DNAH11: variants seen among roughly 807,000 people sequenced by gnomAD.
DNAH11 encodes dynein axonemal heavy chain 11, also known as axonemal beta dynein heavy chain 11.
A neutral mutation model predicts 526.0 loss-of-function variants in DNAH11; 442 were observed. The observed-to-expected ratio is 0.84, with a 90% CI of 0.78 to 0.91. DNAH11 has a LOEUF of 0.91. Ranked by LOEUF, DNAH11 falls within the 40% of genes least tolerant of loss-of-function variation. DNAH11 has a pLI of 0.00. For synonymous variants in DNAH11, 2,461 were observed against 1,935.9 expected (o/e 1.27, Z -7.12); for missense variants, 6,989 against 5,448.7 (o/e 1.28, Z -8.90).
chr7:21,634,995 G>A (rs1364738406), intron 25 of DNAH11, among the ~76,000 whole-genome samples: 1 of 152,014 alleles, frequency 6.6e-6, no homozygotes, highest in Non-Finnish European at 1.5e-5. Context: ...ATTAATTATA[G>A]CATTCTTTTC....
rs764231441 is a variant in DNAH11 at position 21,900,063 on chromosome 7, G to A, written c.13246G>A (p.Glu4416Lys). Residue 4416 changes from glutamate (E) to lysine (K), a missense_variant, in exon 81 of 82, where the codon GAA becomes AAA. Glu to Lys is a moderately conservative substitution (Grantham distance 56, BLOSUM62 1). Coordinates refer to ENST00000409508, the MANE Select transcript of DNAH11 (RefSeq NM_001277115.2). ...TGCTGATGTTACCAAAAAAACAAAGGAAGATTATGGACACCCGCCAAGGGA... is the reference window on the plus strand; with the variant it reads ...TGCTGATGTTACCAAAAAAACAAAGAAAGATTATGGACACCCGCCAAGGGA... ...LTADVTKKTKEDYGHPPREGA... is the reference protein window; with the variant it reads ...LTADVTKKTKKDYGHPPREGA... 1.9e-6 allele frequency: 3 copies of A among 1,613,788 alleles called. No homozygotes were observed. The highest frequency in any genetic ancestry group is 1.7e-5 in the Admixed American group (1 of 60,004).
rs977512902 is a variant in DNAH11, at chr7:21,873,326, G to A, written c.12020G>A (p.Arg4007Lys). The A allele has an allele frequency of 1.4e-5, 23 of 1,610,572 alleles. No individual in the cohort carries two copies. Among genetic ancestry groups the A allele is most frequent in the Non-Finnish European group, 1.9e-5 (22 of 1,178,342 alleles). ...GGAACCTTGGAGAAGCTCCTTGAAAGATTCAGCCAAGGAAGCCACAGAGAT... is the reference window on the plus strand; with the variant it reads ...GGAACCTTGGAGAAGCTCCTTGAAAAATTCAGCCAAGGAAGCCACAGAGAT... Reference protein sequence around the residue: ...WLGTLEKLLERFSQGSHRDYR... With the variant: ...WLGTLEKLLEKFSQGSHRDYR... Residue 4007 changes from arginine (R) to lysine (K), a missense_variant, in exon 74 of 82, where the codon AGA (arginine) becomes AAA (lysine). Transcript: ENST00000409508.
intron 54 of DNAH11, among the ~76,000 whole-genome samples, chr7:21,758,397 T>G (rs1256349362): frequency 6.6e-6 from 1 of 152,160 alleles, no homozygotes; most frequent in Non-Finnish European, 1.5e-5. Flanking sequence ...CCAGAAAAGT[T>G]TTTTTCAAAC....
In DNAH11 at chr7:21,862,011, G is replaced by C. The variant is rs747740981; in HGVS notation, c.11361G>C (p.Gln3787His). The C allele has an allele frequency of 6.2e-7, 1 of 1,611,982 alleles. No homozygotes were observed. ...FEKDKLTFLSQMAFQILLRKK... is the reference protein window; with the variant it reads ...FEKDKLTFLSHMAFQILLRKK... ...AGGACAAGCTCACCTTCCTGTCCCAGATGGCTTTTCAGGTAAGGAGATCAG... is the reference window on the plus strand; with the variant it reads ...AGGACAAGCTCACCTTCCTGTCCCACATGGCTTTTCAGGTAAGGAGATCAG... Residue 3787 changes from glutamine (Q) to histidine (H), a missense_variant, in exon 69 of 82, where the codon CAG (glutamine) becomes CAC (histidine). Transcript: ENST00000409508.
intron 30 of DNAH11, among the ~76,000 whole-genome samples, chr7:21,663,900 G>A (rs1183419705): frequency 1.3e-5 from 2 of 151,888 alleles, no homozygotes; most frequent in Non-Finnish European, 1.5e-5. Context: ...AGATACAGGT[G>A]TCTCTTCAAC....
chr7:21,555,990 T>G (rs998759803), intron 2 of DNAH11, among the ~76,000 whole-genome samples: 1 of 152,060 alleles, frequency 6.6e-6, no homozygotes, highest in African/African-American at 2.4e-5. Flanking sequence ...CAAGATTGGG[T>G]GTCTGGTAGG....
In DNAH11 at chr7:21,742,053, A is replaced by G; in HGVS notation, c.8041A>G (p.Thr2681Ala). The change falls in exon 49 of 82, where the codon ACT becomes GCT. Residue 2681 changes from threonine (T) to alanine (A), a missense_variant. Thr to Ala is a moderately conservative substitution (Grantham distance 58, BLOSUM62 0). Coordinates refer to ENST00000409508, the MANE Select transcript of DNAH11 (RefSeq NM_001277115.2). ...TCCATCAATTCTCAGGAGTGGCCCC[A>G]CTTTGATCCAGGCAACAATAGCATT... is the stretch of plus-strand genomic sequence containing the variant. ...FAPSILRSGP[T>A]LIQATIAFHQ... The G allele has an allele frequency of 6.2e-7, 1 of 1,613,930 alleles. No homozygotes were observed. Among genetic ancestry groups the G allele is most frequent in the Non-Finnish European group, 8.5e-7 (1 of 1,179,844 alleles).
At chr7:21,731,563 A>AAATTT (rs1785385938) in intron 45 of DNAH11, among the ~76,000 whole-genome samples, 2 of 152,234 alleles carry the variant, frequency 1.3e-5, no homozygotes, top group South Asian at 4.1e-4. Flanking sequence ...TATTTTCTGA[A>AAATTT]ACTGGTTGCA....
At chr7:21,731,078 A>G (rs1554274777) in intron 45 of DNAH11, among the ~76,000 whole-genome samples, 2 of 152,106 alleles carry the variant, frequency 1.3e-5, no homozygotes, top group Non-Finnish European at 2.9e-5. Context: ...TGGGAGGCAG[A>G]GGTTGCAGAG....
intron 68 of DNAH11, among the ~76,000 whole-genome samples, chr7:21,855,650 T>G (rs1206505242): frequency 6.6e-6 from 1 of 152,202 alleles, no homozygotes; most frequent in African/African-American, 2.4e-5. Flanking sequence ...AAGCCCACGC[T>G]CCATACCTTG....
chr7:21,614,725 T>TA (rs1322437722), intron 20 of DNAH11, among the ~76,000 whole-genome samples: 1 of 152,228 alleles, frequency 6.6e-6, no homozygotes, highest in Non-Finnish European at 1.5e-5. Context: ...TTTAATAAAC[T>TA]AAGTCATTAC....
chr7:21,819,491 T>A (rs1259658778), intron 65 of DNAH11, among the ~76,000 whole-genome samples: 5 of 152,172 alleles, frequency 3.3e-5, no homozygotes, highest in African/African-American at 1.2e-4. Context: ...ATAAATATAA[T>A]TGTAGCTGTG....
intron 45 of DNAH11, among the ~76,000 whole-genome samples, chr7:21,726,481 T>C (rs1304564068): frequency 6.9e-6 from 1 of 145,818 alleles, no homozygotes; most frequent in East Asian, 2.0e-4. Context: ...CTTTTTTTTT[T>C]CTTTCTTGCC....
chr7:21,739,945 A>G (rs1488480929), intron 48 of DNAH11, among the ~76,000 whole-genome samples: 1 of 152,136 alleles, frequency 6.6e-6, no homozygotes, highest in Non-Finnish European at 1.5e-5. Flanking sequence ...GTTTTACCCT[A>G]TTATTAACAT....
At position 21,739,606 on chromosome 7, in the gene DNAH11, A is replaced by T; in HGVS notation, c.7847A>T (p.His2616Leu). 4 of 1,612,976 alleles carry T rather than the reference A, an allele frequency of 2.5e-6. No individual in the cohort carries two copies. The highest frequency in any genetic ancestry group is 3.4e-6 in the Non-Finnish European group (4 of 1,179,498). Residue 2616 changes from histidine (H) to leucine (L), a missense_variant, in exon 48 of 82, where the codon CAT (histidine) becomes CTT (leucine). Physicochemically the swap from His to Leu is moderately conservative, Grantham distance 99. Coordinates refer to ENST00000409508, the MANE Select transcript of DNAH11 (RefSeq NM_001277115.2). ...CAGAAGGTGATGCTTAAAGAAATCC[A>T]TAACTGCCAGTATGTCGCCTGCATG... ...DRQKVMLKEI[H>L]NCQYVACMNP... is the part of the protein sequence containing the mutation.
At chr7:21,639,403 G>A (rs571704694) in intron 28 of DNAH11, among the ~76,000 whole-genome samples, 3 of 152,260 alleles carry the variant, frequency 2.0e-5, no homozygotes, top group African/African-American at 7.2e-5. Flanking sequence ...TTTCCTAGGG[G>A]AGAAAGGGTC....
At chr7:21,718,941 G>T (rs1051085389) in intron 43 of DNAH11, among the ~76,000 whole-genome samples, 2 of 152,152 alleles carry the variant, frequency 1.3e-5, no homozygotes, top group African/African-American at 4.8e-5. Flanking sequence ...CCGAAAGCAG[G>T]TCTGAATTTG....
At chr7:21,659,167 G>C in intron 30 of DNAH11, 136 bp downstream of exon 30, 1 of 742,562 alleles carries the variant, frequency 1.3e-6, no homozygotes, top group Non-Finnish European at 2.1e-6. Context: ...TTAGCAATCA[G>C]TTGTTAAATC....
chr7:21,737,713 G>A (rs1032202683), intron 46 of DNAH11, among the ~76,000 whole-genome samples: 1 of 152,290 alleles, frequency 6.6e-6, no homozygotes, highest in South Asian at 2.1e-4. Flanking sequence ...GAGACTACTG[G>A]AGGCTTTGCA....
Sources: allele counts gnomAD v4.1 joint callset (sites outside exome capture counted in the v4.1 genomes callset), GRCh38; gene constraint gnomAD v4.1.1; transcripts MANE v1.5; gene names NCBI Gene and HGNC (gene_info 2026-07-23, HGNC 2026-07-21).